The following HNF1A variants were observed in gnomAD, a reference collection of about 807,000 sequenced individuals.
HNF1A encodes the protein HNF1 homeobox A.
In HNF1A, 21 loss-of-function variants were observed where a neutral mutation model predicts 62.2. The observed-to-expected ratio is 0.34, with a 90% confidence interval of 0.24 to 0.49. The LOEUF (loss-of-function observed/expected upper bound fraction) is 0.49, where lower values mean the gene tolerates loss of function less well. Among genes scored for constraint, HNF1A ranks in the 20% least tolerant of loss-of-function variants. The pLI is 0.99. For missense variants in HNF1A, 687 were observed against 832.3 expected, an observed-to-expected ratio of 0.83 and a Z score of 2.15; for synonymous variants, 374 against 366.8, an observed-to-expected ratio of 1.02 and a Z score of -0.22.
rs752003622 is a variant in HNF1A at position 121,001,075 on chromosome 12, C to T, written c.1779C>T (p.Ser593=). 5.0e-6 allele frequency: 8 copies of T among 1,613,506 alleles called. No individual in the cohort carries two copies. In the South Asian group the frequency reaches 6.6e-5, roughly 13 times the overall value. Residue 593 remains serine, a synonymous_variant, in exon 10 of 10, where the codon AGC becomes AGT. Coordinates refer to ENST00000257555, the MANE Select transcript of HNF1A (RefSeq NM_000545.8). The stretch of plus-strand genomic sequence containing the variant: ...TGTTTGCCTCTGCAGTGTCCTCCAG[C>T]AGCCTGGTGCTGTACCAGAGCTCAG... ...RLSASPTVSS[S]SLVLYQSSDS...
intron 7 of HNF1A, among the ~76,000 whole-genome samples, chr12:120,998,488 T>G (rs1473390534): frequency 6.6e-6 from 1 of 152,100 alleles, no homozygotes; most frequent in Non-Finnish European, 1.5e-5. Context: ...CTAGTGCCAA[T>G]CTTAAGGAAA....
rs369915036 is a variant in HNF1A, at chr12:120,996,256, C to A, written c.956-6C>A. On this transcript the variant is annotated splice_polypyrimidine_tract_variant and splice_region_variant and intron_variant, in intron 4 of 9. Transcript: ENST00000257555. The surrounding 1 kb of genome is among the most constrained non-coding windows in gnomAD (Gnocchi z 4.5). Reference sequence around the variant, plus strand: ...TGCTGAGGCAGGACACTGCTTCCCTCTCCAGGTGTGCGCTATGGACAGCCT... The same window carrying A: ...TGCTGAGGCAGGACACTGCTTCCCTATCCAGGTGTGCGCTATGGACAGCCT... 6.8e-6 allele frequency: 11 copies of A among 1,613,894 alleles called. No individual in the cohort carries two copies. The African/African-American group carries it at 1.5e-4, about 22-fold the overall frequency.
intron 2 of HNF1A, 63 bp downstream of exon 2, chr12:120,989,095 G>T (rs769555457): frequency 1.3e-6 from 2 of 1,513,324 alleles, no homozygotes; most frequent in Admixed American, 3.6e-5. Context: ...CTAACTCATA[G>T]GTGGGGGCTG....
rs764010995 is a variant in HNF1A, at chr12:120,978,745, G to A, written c.-24G>A. On this transcript the variant is annotated 5_prime_UTR_variant, in exon 1 of 10. Transcript: ENST00000257555. ...GCGGCTAGCGTGGTGGACCCGGGCC[G>A]CGTGGCCCTGTGGCAGCCGAGCCAT... The A allele has an allele frequency of 2.5e-6, 4 of 1,608,804 alleles. No homozygotes were observed. Among genetic ancestry groups the A allele is most frequent in the East Asian group, 2.2e-5 (1 of 44,840 alleles).
intron 2 of HNF1A, among the ~76,000 whole-genome samples, chr12:120,991,124 C>G (rs1156862238): frequency 6.6e-6 from 1 of 152,198 alleles, no homozygotes; most frequent in African/African-American, 2.4e-5. Flanking sequence ...AAACATCCTT[C>G]TTTATATAAG....
intron 1 of HNF1A, among the ~76,000 whole-genome samples, chr12:120,983,102 C>G (rs143401535): frequency 6.6e-6 from 1 of 152,320 alleles, no homozygotes; most frequent in Non-Finnish European, 1.5e-5. Flanking sequence ...CTTGCATGCC[C>G]TGAAACCCCA....
intron 1 of HNF1A, among the ~76,000 whole-genome samples, chr12:120,983,916 CTGTGTGTGTGTGTGTG>C (rs61680384): frequency 1.5e-5 from 2 of 137,278 alleles, no homozygotes; most frequent in Non-Finnish European, 3.1e-5. Context: ...CTTGAAGACT[CTGTGTGTGTGTGTGTG>C]TGTGTGTGTG....
At chr12:120,983,207 TCTC>T (rs1184340933) in intron 1 of HNF1A, among the ~76,000 whole-genome samples, 1 of 152,074 alleles carries the variant, frequency 6.6e-6, no homozygotes, top group African/African-American at 2.4e-5. Flanking sequence ...GGTCTTCACT[TCTC>T]CTGGGCTCTG....
intron 6 of HNF1A, 148 bp from the exon 7 acceptor site, chr12:120,997,326 G>A (rs951532122): frequency 2.3e-6 from 3 of 1,326,272 alleles, no homozygotes; most frequent in Non-Finnish European, 3.0e-6. Context: ...ATTAGTGGCA[G>A]GTCCCAGTGG....
At chr12:120,983,191 T>C (rs974461334) in intron 1 of HNF1A, among the ~76,000 whole-genome samples, 4 of 152,324 alleles carry the variant, frequency 2.6e-5, no homozygotes, top group African/African-American at 9.6e-5. Context: ...GAGGAAGATG[T>C]GGGCGGGTCT....
chr12:120,995,534 C>G (rs191651766), intron 4 of HNF1A, among the ~76,000 whole-genome samples: 1 of 152,118 alleles, frequency 6.6e-6, no homozygotes, highest in East Asian at 1.9e-4. Flanking sequence ...TCACTCCACT[C>G]TATACCATTC....
chr12:121,001,141 C>T lies in HNF1A; in HGVS notation c.1845C>T (p.His615=). 2.9e-5 allele frequency: 47 copies of T among 1,614,116 alleles called. No individual in the cohort carries two copies. Among genetic ancestry groups the T allele is most frequent in the Non-Finnish European group, 4.0e-5 (47 of 1,180,000 alleles). ...AGAGCCACCTGCTGCCATCCAACCA[C>T]AGCGTCATCGAGACCTTCATCTCCA... ...NGQSHLLPSN[H]SVIETFISTQ... The change falls in exon 10 of 10, where the codon CAC becomes CAT. Residue 615 remains histidine, a synonymous_variant. Coordinates refer to ENST00000257555, the MANE Select transcript of HNF1A (RefSeq NM_000545.8).
Position 120,999,555 on chromosome 12 carries a change from C to A in HNF1A, c.1696C>A (p.His566Asn), listed in dbSNP as rs1442910842. 3 of 1,612,890 alleles carry A rather than the reference C, an allele frequency of 1.9e-6. No individual in the cohort carries two copies. The African/African-American group carries it at 4.0e-5, about 22-fold the overall frequency. Residue 566 changes from histidine (H) to asparagine (N), a missense_variant, in exon 9 of 10, where the codon CAC (histidine) becomes AAC (asparagine). By Grantham distance (68) the His-to-Asn change is moderately conservative (BLOSUM62 1). Around this residue, in one of 5 missense-constraint regions of HNF1A, gnomAD observed 408 missense variants for 455.3 expected, o/e 0.90. Transcript: ENST00000257555. ...HTPASQATTL[H>N]VPSQDPASIQ... ...GCCGGCATCTCAGGCCACCACCCTCCACGTCCCCAGCCAGGACCCTGCCAG... is the reference window on the plus strand; with the variant it reads ...GCCGGCATCTCAGGCCACCACCCTCAACGTCCCCAGCCAGGACCCTGCCAG...
chr12:120,980,999 T>C (rs573225954), intron 1 of HNF1A: 1 of 152,222 alleles, frequency 6.6e-6, no homozygotes, highest in African/African-American at 2.4e-5. Context: ...CCATTTAAAT[T>C]TGAGATGTTG....
chr12:120,997,285 A>C (rs1350732672), intron 6 of HNF1A, 189 bp from the exon 7 acceptor site: 6 of 1,409,416 alleles, frequency 4.3e-6, no homozygotes, highest in Non-Finnish European at 5.6e-6. Context: ...AAAGGCTCAG[A>C]GAGGGGGAAT....
rs756716704 is a variant in HNF1A at position 120,993,656 on chromosome 12, G to A, written c.663G>A (p.Gln221=). 6.2e-7 allele frequency: 1 copy of A among 1,614,162 alleles called. No individual in the cohort carries two copies. The highest frequency in any genetic ancestry group is 1.1e-5 in the South Asian group (1 of 91,088). ...TCCTGTTCCAGGCCTATGAGAGGCA[G>A]AAGAACCCTAGCAAGGAGGAGCGAG... The part of the protein sequence containing the change: ...QQILFQAYER[Q]KNPSKEERET... The change falls in exon 3 of 10, where the codon CAG becomes CAA. Residue 221 remains glutamine (Q), a synonymous_variant. Transcript: ENST00000257555.
At position 121,001,290 on chromosome 12, in the gene HNF1A, G is replaced by A. The variant is rs1233970000; in HGVS notation, c.*98G>A. On this transcript the variant is annotated 3_prime_UTR_variant, in exon 10 of 10. Coordinates refer to ENST00000257555, the MANE Select transcript of HNF1A (RefSeq NM_000545.8). ...GAGGACCTGAGCCTGCCGAGCAACC[G>A]TGGCCCTTCCTGGACAGCTGTGCCT... is the stretch of plus-strand genomic sequence containing the variant. 4.8e-6 allele frequency: 7 copies of A among 1,462,338 alleles called. No homozygotes were observed. Among genetic ancestry groups the A allele is most frequent in the East Asian group, 4.8e-5 (2 of 41,890 alleles). The allele number at this position is 1,462,338 out of a possible 1,614,324, so 90.6% of individuals were successfully genotyped here.
chr12:120,996,481 C>A lies in HNF1A; in HGVS notation c.1108-60C>A. On this transcript the variant is annotated intron_variant, in intron 5 of 9. Transcript: ENST00000257555. The surrounding 1 kb of genome is among the most constrained non-coding windows in gnomAD (Gnocchi z 4.5). ...CTTGGCAGGGAGATTCTGGAGCAGT[C>A]CCTAGGGAGGCCCTGTGGGGACCCC... The A allele has an allele frequency of 1.9e-6, 3 of 1,613,286 alleles. No individual in the cohort carries two copies. In the South Asian group the frequency reaches 3.3e-5, roughly 18 times the overall value.
intron 1 of HNF1A, among the ~76,000 whole-genome samples, chr12:120,987,592 AT>A (rs57137789): frequency 0.78 from 106,029 of 136,734 alleles, 38,528 homozygotes; most frequent in Middle Eastern, 0.86. Flanking sequence ...TTTTAAAAAT[AT>A]ATATATATAT....
Sources: gnomAD v4.1 joint callset for allele counts (sites outside exome capture counted in the v4.1 genomes callset) on GRCh38, gnomAD v4.1.1 for gene constraint, gnomAD v4.1.1 regional missense constraint, Gnocchi (gnomAD v3.1) non-coding constraint, MANE v1.5 for transcripts, NCBI Gene and HGNC (gene_info 2026-07-23, HGNC 2026-07-21) for gene names.